SLFN12L: variants seen among roughly 807,000 people sequenced by gnomAD.
SLFN12L encodes schlafen family member 12-like.
Under a neutral mutation model 34.8 loss-of-function variants are expected in SLFN12L, and 34 were observed. The ratio of observed to expected loss-of-function variants is 0.98; its 90% CI spans 0.74 to 1.30. The LOEUF (loss-of-function observed/expected upper bound fraction) is 1.30. Among genes scored for constraint, SLFN12L ranks in the 50% most tolerant of loss-of-function variants. The probability of loss-of-function intolerance (pLI) is 0.00; values close to 1 mark genes in which losing one functional copy is unlikely to be tolerated. For synonymous variants in SLFN12L, 259 were observed against 247.5 expected (o/e 1.05, Z -0.44); for missense variants, 703 against 696.2 (o/e 1.01, Z -0.11).
intron 2 of SLFN12L, chr17:35,499,229 A>G (rs1915205561): frequency 1.1e-6 from 1 of 902,104 alleles, no homozygotes; most frequent in Non-Finnish European, 1.6e-6. Flanking sequence ...ATTTGCTTAG[A>G]ATGTCCTTAC....
chr17:35,512,906 C>T (rs1915700074), intron 2 of SLFN12L, among the ~76,000 whole-genome samples: 1 of 152,068 alleles, frequency 6.6e-6, no homozygotes, highest in African/African-American at 2.4e-5. Flanking sequence ...TAAGTTGCCC[C>T]CTCACTCCTC....
intron 2 of SLFN12L, among the ~76,000 whole-genome samples, chr17:35,491,611 C>T (rs1914841683): frequency 6.6e-6 from 1 of 152,242 alleles, no homozygotes; most frequent in African/African-American, 2.4e-5. Context: ...GGTCTGGCCA[C>T]CTGGCCTGCT....
At chr17:35,534,130 T>C (rs1024730425) in intron 1 of SLFN12L, among the ~76,000 whole-genome samples, 3 of 151,918 alleles carry the variant, frequency 2.0e-5, no homozygotes, top group South Asian at 2.1e-4. Context: ...TGGGAGGCCC[T>C]GGTGGGCAGA....
At chr17:35,505,164 C>T (rs1434566984) in intron 2 of SLFN12L, among the ~76,000 whole-genome samples, 1 of 152,202 alleles carries the variant, frequency 6.6e-6, no homozygotes, top group Non-Finnish European at 1.5e-5. Context: ...GGATAAACTA[C>T]ATCTGTTAAA....
Position 35,491,269 on chromosome 17 carries a change from A to T in SLFN12L, c.87-11074T>A, listed in dbSNP as rs1914826483. The T allele has an allele frequency of 3.3e-6, 3 of 906,014 alleles. No individual in the cohort carries two copies. The South Asian group carries it at 5.9e-5, about 18-fold the overall frequency. The allele number at this position is 906,014 out of a possible 1,614,324, so 56.1% of individuals were successfully genotyped here. ...ATGCTTCATGTGAACTCTCCTTAAA[A>T]ACCAATTTTTTTAAATCATGGAACC... On this transcript the variant is annotated intron_variant, in intron 2 of 4. Coordinates refer to ENST00000628453, the MANE Select transcript of SLFN12L (RefSeq NM_001363830.2).
At chr17:35,510,223 G>T (rs1915594634) in intron 2 of SLFN12L, 1 of 152,172 alleles carries the variant, frequency 6.6e-6, no homozygotes, top group Admixed American at 6.5e-5. Flanking sequence ...ATTTGAAATG[G>T]TGTTCATACC....
chr17:35,518,638 C>T (rs1162713788), intron 2 of SLFN12L, among the ~76,000 whole-genome samples: 1 of 150,568 alleles, frequency 6.6e-6, no homozygotes, highest in Non-Finnish European at 1.5e-5. Context: ...CAAATCAAAA[C>T]CACAATGAGA....
chr17:35,531,882 A>G (rs1597888545), intron 1 of SLFN12L, among the ~76,000 whole-genome samples: 1 of 151,968 alleles, frequency 6.6e-6, no homozygotes, highest in East Asian at 1.9e-4. Flanking sequence ...TGATCCACCC[A>G]CCTCGGCCTC....
chr17:35,482,507 C>G (rs111616596), intron 2 of SLFN12L, among the ~76,000 whole-genome samples: 2,129 of 152,206 alleles, frequency 0.014, 62 homozygotes, highest in African/African-American at 0.048. Context: ...AGGCCTCCCG[C>G]TCTCTGCAGC....
chr17:35,498,134 G>A (rs934276250), intron 2 of SLFN12L: 6 of 614,564 alleles, frequency 9.8e-6, no homozygotes, highest in Non-Finnish European at 1.5e-5. Flanking sequence ...AGCGAGACCT[G>A]CAGCAGAGAC....
intron 1 of SLFN12L, among the ~76,000 whole-genome samples, chr17:35,535,718 G>C (rs999861852): frequency 1.3e-5 from 2 of 151,840 alleles, no homozygotes; most frequent in African/African-American, 4.8e-5. Context: ...GGCAGTGGCA[G>C]GATCTCAGCT....
At chr17:35,498,126 C>A (rs145295470) in intron 2 of SLFN12L, 2 of 604,570 alleles carry the variant, frequency 3.3e-6, no homozygotes, top group Non-Finnish European at 5.9e-6. Flanking sequence ...GCGGTCAGAG[C>A]GAGACCTGCA....
At chr17:35,527,696 C>T (rs149858361) in intron 1 of SLFN12L, among the ~76,000 whole-genome samples, 1 of 152,104 alleles carries the variant, frequency 6.6e-6, no homozygotes, top group Non-Finnish European at 1.5e-5. Flanking sequence ...ATCGATGGAA[C>T]GTACCTCAAA....
intron 2 of SLFN12L, among the ~76,000 whole-genome samples, chr17:35,486,127 C>T (rs1460775781): frequency 6.6e-6 from 1 of 152,216 alleles, no homozygotes; most frequent in Non-Finnish European, 1.5e-5. Context: ...ATTCTTCCAA[C>T]ACATGAGCAT....
chr17:35,488,140 C>T (rs969933142), intron 2 of SLFN12L, among the ~76,000 whole-genome samples: 1 of 152,162 alleles, frequency 6.6e-6, no homozygotes, highest in Admixed American at 6.5e-5. Context: ...ACCCCGGAGG[C>T]GCAGCTTGCA....
chr17:35,502,433 A>AAAAAAC (rs1915330468), intron 2 of SLFN12L, among the ~76,000 whole-genome samples: 1 of 149,070 alleles, frequency 6.7e-6, no homozygotes, highest in Non-Finnish European at 1.5e-5. Flanking sequence ...AAAAAAAAAA[A>AAAAAAC]AAAAAAAAAA....
At chr17:35,481,328 C>T (rs571878048) in intron 2 of SLFN12L, among the ~76,000 whole-genome samples, 3 of 152,328 alleles carry the variant, frequency 2.0e-5, no homozygotes, top group East Asian at 1.9e-4. Flanking sequence ...CAGGCCTGCC[C>T]GCAGCCATCT....
Position 35,470,781 on chromosome 17 carries a change from T to C in SLFN12L, c.*4142A>G, listed in dbSNP as rs1328106888. Among the ~76,000 whole-genome samples, 1 of 152,022 alleles carries C rather than the reference T, an allele frequency of 6.6e-6. No homozygotes were observed. On this transcript the variant is annotated 3_prime_UTR_variant, in exon 5 of 5. Transcript: ENST00000628453. ...GTGCCATGGTGGTTTGCTGCACCTA[T>C]TGACCCATCCTCTGAGTTCCCTCCC... is the stretch of plus-strand genomic sequence containing the variant.
chr17:35,498,537 G>A, intron 2 of SLFN12L: 2 of 1,309,622 alleles, frequency 1.5e-6, no homozygotes, highest in Admixed American at 3.4e-5. Context: ...TCTCAGCCTG[G>A]TCCAGAACAG....
Sources: allele counts gnomAD v4.1 joint callset (sites outside exome capture counted in the v4.1 genomes callset), GRCh38; gene constraint gnomAD v4.1.1; transcripts MANE v1.5; gene names NCBI Gene and HGNC (gene_info 2026-07-23, HGNC 2026-07-21).